Variants in SPECC1L observed in about 807,000 individuals in gnomAD.
SPECC1L encodes sperm antigen with calponin homology and coiled-coil domains 1 like.
In SPECC1L, 40 loss-of-function variants were observed where a neutral mutation model predicts 116.8. The ratio of observed to expected loss-of-function variants is 0.34; its 90% CI spans 0.27 to 0.45. SPECC1L has a LOEUF of 0.45. Among genes scored for constraint, SPECC1L ranks in the 20% least tolerant of loss-of-function variants. SPECC1L has a pLI of 1.00. For missense variants in SPECC1L, 1,110 were observed against 1,373.6 expected, an observed-to-expected ratio of 0.81 and a Z score of 3.03; for synonymous variants, 504 against 500.6, an observed-to-expected ratio of 1.01 and a Z score of -0.09.
chr22:24,413,533 G>A (rs2042742132), intron 16 of SPECC1L, among the ~76,000 whole-genome samples: 2 of 152,168 alleles, frequency 1.3e-5, no homozygotes, highest in South Asian at 4.1e-4. Flanking sequence ...TGGAGGTGCT[G>A]TGAAGAAGTG....
intron 14 of SPECC1L, among the ~76,000 whole-genome samples, chr22:24,401,471 G>T (rs926824252): frequency 2.6e-5 from 4 of 152,242 alleles, no homozygotes; most frequent in African/African-American, 9.6e-5. Flanking sequence ...TGATAACGAG[G>T]TCAGTCATTC....
intron 9 of SPECC1L, among the ~76,000 whole-genome samples, chr22:24,334,790 C>T (rs2041017954): frequency 6.6e-6 from 1 of 152,156 alleles, no homozygotes; most frequent in Admixed American, 6.5e-5. Context: ...AGCCTGAATC[C>T]CATGCAGAGA....
intron 14 of SPECC1L, among the ~76,000 whole-genome samples, chr22:24,383,180 CAA>C (rs1379999989): frequency 6.6e-6 from 1 of 152,196 alleles, no homozygotes; most frequent in Non-Finnish European, 1.5e-5. Context: ...AATCTAACTT[CAA>C]AACTTTGATT....
intron 4 of SPECC1L, among the ~76,000 whole-genome samples, chr22:24,319,429 A>G (rs2040673870): frequency 6.6e-6 from 1 of 152,200 alleles, no homozygotes. Flanking sequence ...TTACCTCCCA[A>G]CAGGTCCCTC....
intron 3 of SPECC1L, among the ~76,000 whole-genome samples, chr22:24,305,771 G>C (rs2049481507): frequency 6.6e-6 from 1 of 151,934 alleles, no homozygotes; most frequent in Non-Finnish European, 1.5e-5. Context: ...TTCTCAAGGT[G>C]GTTACCAGTT....
intron 9 of SPECC1L, 143 bp downstream of exon 9, chr22:24,334,716 G>A (rs1197953719): frequency 2.2e-6 from 2 of 907,932 alleles, no homozygotes; most frequent in East Asian, 2.5e-5. Context: ...AGACTTAACA[G>A]AAGGTGATAT....
At chr22:24,339,038 T>C (rs905744507) in intron 10 of SPECC1L, among the ~76,000 whole-genome samples, 7 of 152,226 alleles carry the variant, frequency 4.6e-5, no homozygotes, top group Admixed American at 1.3e-4. Context: ...TTTTGTTAGT[T>C]TTCACATTTC....
intron 2 of SPECC1L, among the ~76,000 whole-genome samples, chr22:24,278,383 A>G (rs1377726969): frequency 2.0e-5 from 3 of 151,954 alleles, no homozygotes; most frequent in African/African-American, 2.4e-5. Context: ...AAAAAGTGGG[A>G]TGATATTTTT....
intron 10 of SPECC1L, among the ~76,000 whole-genome samples, chr22:24,345,898 C>T (rs981267310): frequency 1.3e-5 from 2 of 152,006 alleles, no homozygotes; most frequent in South Asian, 2.1e-4. Flanking sequence ...AGACAAGCAA[C>T]GTGGTCTGCA....
chr22:24,375,876 C>T (rs896746279), intron 14 of SPECC1L, among the ~76,000 whole-genome samples: 5 of 151,878 alleles, frequency 3.3e-5, no homozygotes, highest in Non-Finnish European at 5.9e-5. Context: ...CTTGAACCTG[C>T]GAGGTGGAGG....
chr22:24,343,462 T>C, intron 10 of SPECC1L: 2 of 448,210 alleles, frequency 4.5e-6, no homozygotes, highest in South Asian at 3.1e-5. Context: ...TTTTTTTTTG[T>C]TTTGTTTTGT....
At chr22:24,302,089 C>T (rs1451916447) in intron 2 of SPECC1L, 106 bp from the exon 3 acceptor site, 1 of 895,284 alleles carries the variant, frequency 1.1e-6, no homozygotes, top group African/African-American at 1.7e-5. Flanking sequence ...GTAGTGACAT[C>T]TAGCTTTCAA....
intron 1 of SPECC1L, 137 bp downstream of exon 1, chr22:24,271,120 C>G (rs1381586909): frequency 6.6e-6 from 1 of 152,514 alleles, no homozygotes; most frequent in Admixed American, 6.5e-5. Flanking sequence ...GCTCCTGGGC[C>G]CCTCCAGTGT....
intron 14 of SPECC1L, among the ~76,000 whole-genome samples, chr22:24,400,604 C>T (rs756921320): frequency 6.6e-6 from 1 of 152,160 alleles, no homozygotes; most frequent in African/African-American, 2.4e-5. Context: ...ATTGCTGGGC[C>T]GTATATTAAC....
intron 16 of SPECC1L, among the ~76,000 whole-genome samples, chr22:24,414,205 C>T (rs530753791): frequency 4.9e-4 from 74 of 152,086 alleles, no homozygotes; most frequent in Non-Finnish European, 9.9e-4. Flanking sequence ...AGAAGGGTCC[C>T]CCAAGGAGTG....
intron 6 of SPECC1L, among the ~76,000 whole-genome samples, chr22:24,326,300 G>C (rs985644224): frequency 1.3e-5 from 2 of 152,234 alleles, no homozygotes; most frequent in African/African-American, 4.8e-5. Context: ...GTAACTCCCA[G>C]TGTTTTCAAC....
At chr22:24,302,093 C>T (rs1313568737) in intron 2 of SPECC1L, 102 bp from the exon 3 acceptor site, 2 of 936,552 alleles carry the variant, frequency 2.1e-6, no homozygotes, top group East Asian at 2.7e-5. Context: ...TGACATCTAG[C>T]TTTCAAACAG....
chr22:24,384,895 T>G (rs963128222), intron 14 of SPECC1L, among the ~76,000 whole-genome samples: 1 of 151,932 alleles, frequency 6.6e-6, no homozygotes, highest in Non-Finnish European at 1.5e-5. Context: ...GCTAACATAG[T>G]GAAACCCCGT....
At chr22:24,395,452 G>A (rs2042348777) in intron 14 of SPECC1L, among the ~76,000 whole-genome samples, 1 of 152,076 alleles carries the variant, frequency 6.6e-6, no homozygotes. Flanking sequence ...TACCAGAGAG[G>A]GACTGAGGGG....
Sources: allele counts gnomAD v4.1 joint callset (sites outside exome capture counted in the v4.1 genomes callset), GRCh38; gene constraint gnomAD v4.1.1; transcripts MANE v1.5; gene names NCBI Gene and HGNC (gene_info 2026-07-23, HGNC 2026-07-21).